Variants in FGGY observed in about 807,000 individuals in gnomAD.
The protein encoded by FGGY is FGGY carbohydrate kinase domain-containing protein.
FGGY carries 72 observed loss-of-function variants against 71.3 expected under a neutral mutation model. The observed-to-expected ratio is 1.01, with a 90% CI of 0.84 to 1.23. FGGY has a LOEUF of 1.23. FGGY is among the 50% of genes most tolerant of loss of function. FGGY has a pLI of 0.00. For missense variants in FGGY, 668 were observed against 682.3 expected, an observed-to-expected ratio of 0.98 and a Z score of 0.23; for synonymous variants, 251 against 250.3, an observed-to-expected ratio of 1.00 and a Z score of -0.02.
chr1:59,326,791 C>G (rs1180449044), intron 2 of FGGY, among the ~76,000 whole-genome samples: 1 of 151,966 alleles, frequency 6.6e-6, no homozygotes, highest in Non-Finnish European at 1.5e-5. Context: ...ATCTATCACT[C>G]TACTACAGGC....
chr1:59,520,106 C>T (rs1219410517), intron 7 of FGGY, among the ~76,000 whole-genome samples: 2 of 152,214 alleles, frequency 1.3e-5, no homozygotes, highest in Non-Finnish European at 2.9e-5. Flanking sequence ...ATGTCAGTAG[C>T]ACTGAAGGTG....
At chr1:59,521,808 T>C (rs61513067) in intron 7 of FGGY, among the ~76,000 whole-genome samples, 2,219 of 152,322 alleles carry the variant, frequency 0.015, 56 homozygotes, top group African/African-American at 0.05. Context: ...GAATGACTCC[T>C]GATTTGTTAT....
intron 7 of FGGY, among the ~76,000 whole-genome samples, chr1:59,526,561 A>G (rs2094987269): frequency 6.6e-6 from 1 of 152,224 alleles, no homozygotes; most frequent in African/African-American, 2.4e-5. Flanking sequence ...AAATGTTACA[A>G]GAGTATAGGG....
chr1:59,672,375 T>A (rs2097388056), intron 13 of FGGY, among the ~76,000 whole-genome samples: 1 of 152,246 alleles, frequency 6.6e-6, no homozygotes, highest in African/African-American at 2.4e-5. Context: ...GTGTGCCCTC[T>A]CATTAAGCCT....
intron 5 of FGGY, among the ~76,000 whole-genome samples, chr1:59,410,939 A>T (rs1276458136): frequency 1.3e-5 from 2 of 152,174 alleles, no homozygotes. Flanking sequence ...CTTCTGTGTC[A>T]CTCTTCCCAT....
chr1:59,440,602 C>T (rs1447055773), intron 5 of FGGY, among the ~76,000 whole-genome samples: 1 of 150,038 alleles, frequency 6.7e-6, no homozygotes, highest in African/African-American at 2.5e-5. Context: ...TATTAAACAT[C>T]TACTATGTGT....
At chr1:59,649,010 C>T (rs1299381375) in intron 11 of FGGY, among the ~76,000 whole-genome samples, 1 of 151,544 alleles carries the variant, frequency 6.6e-6, no homozygotes, top group African/African-American at 2.4e-5. Context: ...ATAGGGAATC[C>T]TTTCCCCATT....
chr1:59,715,026 G>C (rs564512122), intron 14 of FGGY, among the ~76,000 whole-genome samples: 1 of 152,234 alleles, frequency 6.6e-6, no homozygotes, highest in African/African-American at 2.4e-5. Context: ...GATGCCCTTT[G>C]TTTCCCCCTT....
chr1:59,411,523 T>G (rs114011502), intron 5 of FGGY, among the ~76,000 whole-genome samples: 3,180 of 152,352 alleles, frequency 0.021, 113 homozygotes, highest in African/African-American at 0.072. Flanking sequence ...TCCACTAATT[T>G]TAGCAACTAT....
chr1:59,473,643 TGTG>T, intron 6 of FGGY, among the ~76,000 whole-genome samples: 1 of 152,144 alleles, frequency 6.6e-6, no homozygotes, highest in East Asian at 1.9e-4. Flanking sequence ...GAGGAGTAGT[TGTG>T]GGCAAGATAG....
At chr1:59,536,578 C>T (rs922822178) in intron 7 of FGGY, among the ~76,000 whole-genome samples, 4 of 152,276 alleles carry the variant, frequency 2.6e-5, no homozygotes, top group South Asian at 2.1e-4. Flanking sequence ...CAAAAATCCT[C>T]GGTAAAATAC....
chr1:59,492,558 A>G (rs1416847401), intron 6 of FGGY, among the ~76,000 whole-genome samples: 2 of 152,216 alleles, frequency 1.3e-5, no homozygotes, highest in African/African-American at 2.4e-5. Flanking sequence ...AGGGGCTAGC[A>G]TAGGAAAGAG....
chr1:59,313,570 A>T (rs952661577), intron 1 of FGGY, among the ~76,000 whole-genome samples: 5 of 151,480 alleles, frequency 3.3e-5, no homozygotes, highest in African/African-American at 1.2e-4. Flanking sequence ...TATATGTATC[A>T]CACACACACA....
chr1:59,521,100 G>A (rs2094818868), intron 7 of FGGY, among the ~76,000 whole-genome samples: 1 of 152,272 alleles, frequency 6.6e-6, no homozygotes, highest in African/African-American at 2.4e-5. Context: ...AACCGTGCCA[G>A]TCCCTGAGCA....
At chr1:59,540,341 A>G (rs2095420787) in intron 7 of FGGY, among the ~76,000 whole-genome samples, 1 of 152,260 alleles carries the variant, frequency 6.6e-6, no homozygotes, top group African/African-American at 2.4e-5. Flanking sequence ...CCCAGTTCCC[A>G]TCAATAATAG....
At chr1:59,420,704 T>C (rs1571931620) in intron 5 of FGGY, among the ~76,000 whole-genome samples, 1 of 152,186 alleles carries the variant, frequency 6.6e-6, no homozygotes, top group Non-Finnish European at 1.5e-5. Flanking sequence ...GGAAATGTAC[T>C]CCATATGTTT....
At chr1:59,688,859 C>T (rs1314092174) in intron 14 of FGGY, among the ~76,000 whole-genome samples, 1 of 151,982 alleles carries the variant, frequency 6.6e-6, no homozygotes, top group Non-Finnish European at 1.5e-5. Context: ...AAGTGATTCT[C>T]CTACCTCAGC....
chr1:59,399,272 G>A (rs974695987), intron 5 of FGGY, among the ~76,000 whole-genome samples: 2 of 152,164 alleles, frequency 1.3e-5, no homozygotes, highest in Non-Finnish European at 2.9e-5. Context: ...TCCCTTGCTT[G>A]TTGTGTCGTC....
At chr1:59,463,496 A>G (rs894632742) in intron 6 of FGGY, among the ~76,000 whole-genome samples, 8 of 152,232 alleles carry the variant, frequency 5.3e-5, no homozygotes, top group African/African-American at 1.9e-4. Flanking sequence ...GACAGGATCA[A>G]ATTCACACAT....
Sources: allele counts gnomAD v4.1 joint callset (sites outside exome capture counted in the v4.1 genomes callset), GRCh38; gene constraint gnomAD v4.1.1; transcripts MANE v1.5; gene names NCBI Gene and HGNC (gene_info 2026-07-23, HGNC 2026-07-21).